ANKRD24: variants seen among roughly 807,000 people sequenced by gnomAD.
The protein encoded by ANKRD24 is ankyrin repeat domain-containing protein 24.
Under a neutral mutation model 127.8 loss-of-function variants are expected in ANKRD24, and 109 were observed. That is an observed-to-expected ratio of 0.85 (90% CI 0.73 to 1.00). The LOEUF (loss-of-function observed/expected upper bound fraction) is 1.00, where lower values mean the gene tolerates loss of function less well. ANKRD24 is among the 50% of genes least tolerant of loss of function. ANKRD24 has a pLI of 0.00. For missense variants in ANKRD24, 1,648 were observed against 1,570.2 expected (o/e 1.05, Z -0.84); for synonymous variants, 743 against 671.1 (o/e 1.11, Z -1.66).
At chr19:4,184,899 G>A (rs569351812) in intron 1 of ANKRD24, among the ~76,000 whole-genome samples, 1 of 148,236 alleles carries the variant, frequency 6.7e-6, no homozygotes, top group Non-Finnish European at 1.5e-5. Context: ...TGGATGGAGG[G>A]ATGGATAAGT....
intron 19 of ANKRD24, among the ~76,000 whole-genome samples, chr19:4,221,987 G>A (rs1250652185): frequency 6.6e-6 from 1 of 152,196 alleles, no homozygotes; most frequent in Non-Finnish European, 1.5e-5. Flanking sequence ...CTCAAGTTGA[G>A]AACCCCAGAT....
chr19:4,202,188 T>G, intron 6 of ANKRD24, 98 bp downstream of exon 6: 1 of 1,171,310 alleles, frequency 8.5e-7, no homozygotes, highest in South Asian at 1.3e-5. Flanking sequence ...ATCCTAGATA[T>G]TCCTTGGCCC....
intron 7 of ANKRD24, among the ~76,000 whole-genome samples, chr19:4,206,700 C>T (rs931780527): frequency 1.3e-5 from 2 of 152,078 alleles, no homozygotes; most frequent in African/African-American, 4.8e-5. Context: ...CTGACTCTGC[C>T]TCTTACCCCA....
chr19:4,212,758 A>G, intron 15 of ANKRD24, 60 bp downstream of exon 15: 1 of 1,448,716 alleles, frequency 6.9e-7, no homozygotes, highest in Non-Finnish European at 9.4e-7. Flanking sequence ...TCTCTCCTAC[A>G]GCAGCGACAA....
chr19:4,219,430 G>T (rs1435702172), intron 18 of ANKRD24, among the ~76,000 whole-genome samples, 161 bp from the exon 19 acceptor site: 2 of 152,046 alleles, frequency 1.3e-5, no homozygotes, highest in African/African-American at 4.8e-5. Flanking sequence ...TCGCACCACC[G>T]CACTCCAGCC....
chr19:4,217,934 A>C lies in ANKRD24; in HGVS notation c.2774A>C (p.Glu925Ala), dbSNP rs760143910. ...TCTGAGCACCGCCGGCTGCAGGAGG[A>C]GGCCCTGGAGCTGCGGGGCCGGGCA... ...PASEHRRLQE[E>A]ALELRGRAAS... The change falls in exon 18 of 22, where the codon GAG becomes GCG. Residue 925 changes from glutamate (E) to alanine (A), a missense_variant. Glu to Ala is a moderately radical substitution (Grantham distance 107). Coordinates refer to ENST00000318934, the MANE Select transcript of ANKRD24 (RefSeq NM_001393985.1). 3.5e-4 allele frequency: 524 copies of C among 1,498,206 alleles called. No individual in the cohort carries two copies. Among genetic ancestry groups the C allele is most frequent in the Non-Finnish European group, 4.2e-4 (475 of 1,131,332 alleles). 92.8% of individuals were successfully genotyped at this position (1,498,206 alleles called of 1,614,324 possible). A position where few individuals can be genotyped will look rare whatever the true frequency, so the allele number is the denominator to read the frequency against.
chr19:4,217,266 G>A lies in ANKRD24; in HGVS notation c.2106G>A (p.Pro702=), dbSNP rs774875463. 2.1e-5 allele frequency: 33 copies of A among 1,567,640 alleles called. No individual in the cohort carries two copies. The highest frequency in any genetic ancestry group is 2.7e-5 in the African/African-American group (2 of 73,716). ...ACCCAGGGGTAGAGGCCACGGTCCC[G>A]GGGATCTCTGCTGGCCCCATCCTAC... is the stretch of plus-strand genomic sequence containing the variant. The part of the protein sequence containing the change: ...VENPGVEATV[P]GISAGPILHP... Residue 702 remains proline, a synonymous_variant, in exon 18 of 22, where the codon CCG becomes CCA. Coordinates refer to ENST00000318934, the MANE Select transcript of ANKRD24 (RefSeq NM_001393985.1).
At chr19:4,185,630 C>T (rs143258137) in intron 1 of ANKRD24, among the ~76,000 whole-genome samples, 2 of 152,338 alleles carry the variant, frequency 1.3e-5, no homozygotes, top group Non-Finnish European at 2.9e-5. Flanking sequence ...GTGCACACGC[C>T]CCACACTCAA....
intron 2 of ANKRD24, among the ~76,000 whole-genome samples, chr19:4,189,270 G>A (rs577082180): frequency 8.1e-5 from 8 of 98,914 alleles, no homozygotes; most frequent in African/African-American, 3.0e-4. Context: ...TTTTTTGAAG[G>A]AGTCTCACTC....
rs990045285 is a variant in ANKRD24, at chr19:4,195,191, G to A, written c.37-4492G>A. On this transcript the variant is annotated intron_variant, in intron 2 of 21. Transcript: ENST00000318934. The surrounding 1 kb of genome is among the most constrained non-coding windows in gnomAD (Gnocchi z 4.2). ...GGGTGCACGCCATTCTCCTGCCTCA[G>A]TCTCCCGAGTAGCTGGGACTACAGG... 6.6e-6 allele frequency among the ~76,000 whole-genome samples: 1 copy of A among 151,854 alleles called. No homozygotes were observed. The highest frequency in any genetic ancestry group is 2.4e-5 in the African/African-American group (1 of 41,418).
chr19:4,203,310 A>G (rs1969200768), intron 7 of ANKRD24, among the ~76,000 whole-genome samples: 1 of 151,578 alleles, frequency 6.6e-6, no homozygotes, highest in South Asian at 2.1e-4. Context: ...TGGCCTCCCA[A>G]AGTGCTGGGA....
intron 15 of ANKRD24, among the ~76,000 whole-genome samples, chr19:4,213,663 T>C (rs956302996): frequency 3.3e-5 from 5 of 151,696 alleles, no homozygotes; most frequent in Non-Finnish European, 2.9e-5. Flanking sequence ...GGAGTTTCAC[T>C]CTTGTTGCCC....
At chr19:4,211,215 G>C (rs115107926) in intron 13 of ANKRD24, among the ~76,000 whole-genome samples, 33 of 152,334 alleles carry the variant, frequency 2.2e-4, no homozygotes, top group African/African-American at 7.7e-4. Context: ...GTGAGCCTGC[G>C]AGGGCAGGCA....
In ANKRD24 at chr19:4,217,023, G is replaced by C; in HGVS notation, c.1863G>C (p.Lys621Asn). 6.2e-7 allele frequency: 1 copy of C among 1,613,860 alleles called. No individual in the cohort carries two copies. Reference sequence around the variant, plus strand: ...AAGAAGAAGCAAACATGGAAACTAAGCCCACAGGAGCTCAGGCCACAGACA... The same window carrying C: ...AAGAAGAAGCAAACATGGAAACTAACCCCACAGGAGCTCAGGCCACAGACA... ...TTEEEANMET[K>N]PTGAQATDTE... Residue 621 changes from lysine to asparagine, a missense_variant, in exon 18 of 22, where the codon AAG (lysine) becomes AAC (asparagine). Lys to Asn is a moderately conservative substitution (Grantham distance 94). Coordinates refer to ENST00000318934, the MANE Select transcript of ANKRD24 (RefSeq NM_001393985.1).
At chr19:4,188,876 C>T (rs1968215134) in intron 2 of ANKRD24, among the ~76,000 whole-genome samples, 1 of 152,082 alleles carries the variant, frequency 6.6e-6, no homozygotes, top group Non-Finnish European at 1.5e-5. Flanking sequence ...GGCACGATCT[C>T]TGCTCACTGC....
At chr19:4,213,218 T>C (rs952378144) in intron 15 of ANKRD24, among the ~76,000 whole-genome samples, 37 of 149,234 alleles carry the variant, frequency 2.5e-4, no homozygotes, top group Middle Eastern at 7.0e-3. Context: ...TTCTTCCCCT[T>C]CTCCTTCCTT....
rs150095540 is a variant in ANKRD24 at position 4,224,657 on chromosome 19, C to A, written c.*152C>A. On this transcript the variant is annotated 3_prime_UTR_variant, in exon 22 of 22. Transcript: ENST00000318934. Reference sequence around the variant, plus strand: ...AGCCTGGTTCCCTGCCCGACCACCCCCAGCTGGCTCCATCACCCCACCTGG... The same window carrying A: ...AGCCTGGTTCCCTGCCCGACCACCCACAGCTGGCTCCATCACCCCACCTGG... 4.2e-6 allele frequency: 3 copies of A among 712,478 alleles called. No homozygotes were observed. The highest frequency in any genetic ancestry group is 7.1e-6 in the Non-Finnish European group (3 of 420,068). 44.1% of individuals were successfully genotyped at this position (712,478 alleles called of 1,614,324 possible). A position where few individuals can be genotyped will look rare whatever the true frequency, so the allele number is the denominator to read the frequency against.
In ANKRD24 at chr19:4,216,757, G is replaced by A. The variant is rs746780992; in HGVS notation, c.1597G>A (p.Gly533Arg). 5.1e-6 allele frequency: 8 copies of A among 1,584,062 alleles called. No homozygotes were observed. Among genetic ancestry groups the A allele is most frequent in the Non-Finnish European group, 6.9e-6 (8 of 1,165,934 alleles). ...AGCCTGTGGGGAGAGTGAGGTTGCT[G>A]GAGCCACGGCCACCAAAAACGGGCC... is the stretch of plus-strand genomic sequence containing the variant. The part of the protein sequence containing the change: ...GAACGESEVA[G>R]ATATKNGPTH... Residue 533 changes from glycine to arginine, a missense_variant, in exon 18 of 22, where the codon GGA (glycine) becomes AGA (arginine). Physicochemically the swap from Gly to Arg is moderately radical, Grantham distance 125. Coordinates refer to ENST00000318934, the MANE Select transcript of ANKRD24 (RefSeq NM_001393985.1).
chr19:4,210,329 A>G lies in ANKRD24; in HGVS notation c.1016A>G (p.Lys339Arg). 6.3e-7 allele frequency: 1 copy of G among 1,578,448 alleles called. No individual in the cohort carries two copies. The highest frequency in any genetic ancestry group is 8.6e-7 in the Non-Finnish European group (1 of 1,162,812). ...LRQERGRLLQKIRGLEQHKER... is the reference protein window; with the variant it reads ...LRQERGRLLQRIRGLEQHKER... ...CAGGAGAGGGGCCGCCTCCTGCAGA[A>G]GATCCGGGGCCTGGAACAGCACAAG... Residue 339 changes from lysine (K) to arginine (R), a missense_variant, in exon 13 of 22, where the codon AAG becomes AGG. Coordinates refer to ENST00000318934, the MANE Select transcript of ANKRD24 (RefSeq NM_001393985.1).
Sources: gnomAD v4.1 joint callset for allele counts (sites outside exome capture counted in the v4.1 genomes callset) on GRCh38, gnomAD v4.1.1 for gene constraint, Gnocchi (gnomAD v3.1) non-coding constraint, MANE v1.5 for transcripts, NCBI Gene and HGNC (gene_info 2026-07-23, HGNC 2026-07-21) for gene names.